The following STX7 variants were observed in gnomAD, a reference collection of about 807,000 sequenced individuals.
The protein encoded by STX7 is syntaxin 7.
A neutral mutation model predicts 39.6 loss-of-function variants in STX7; 34 were observed. The ratio of observed to expected loss-of-function variants is 0.86; its 90% confidence interval spans 0.65 to 1.14. The LOEUF (loss-of-function observed/expected upper bound fraction) is 1.14. STX7 is among the 50% of genes most tolerant of loss of function. The pLI is 0.00. For synonymous variants in STX7, 119 were observed against 99.1 expected, an observed-to-expected ratio of 1.20 and a Z score of -1.19; for missense variants, 284 against 310.4, an observed-to-expected ratio of 0.92 and a Z score of 0.64.
chr6:132,494,504 CA>C (rs1176281549), intron 2 of STX7, among the ~76,000 whole-genome samples: 1 of 152,110 alleles, frequency 6.6e-6, no homozygotes, highest in Non-Finnish European at 1.5e-5. Flanking sequence ...CATTGCTAAA[CA>C]AGTGAGCTTT....
At chr6:132,490,536 C>A (rs1016514805) in intron 2 of STX7, among the ~76,000 whole-genome samples, 16 of 152,084 alleles carry the variant, frequency 1.1e-4, no homozygotes, top group Non-Finnish European at 2.4e-4. Context: ...GAAATTAACA[C>A]AAAATGTGTA....
chr6:132,490,739 C>T (rs1004871685), intron 2 of STX7, among the ~76,000 whole-genome samples: 10 of 151,944 alleles, frequency 6.6e-5, no homozygotes, highest in East Asian at 3.9e-4. Context: ...TGAGAAGCAC[C>T]GGGGACTCTG....
At chr6:132,466,327 C>T (rs1774563057) in intron 8 of STX7, among the ~76,000 whole-genome samples, 2 of 152,168 alleles carry the variant, frequency 1.3e-5, no homozygotes, top group African/African-American at 4.8e-5. Flanking sequence ...GGATTTCCTC[C>T]ATATCACTGG....
At position 132,448,206 on chromosome 6, in the gene STX7, G is replaced by C. The variant is rs1343135815; in HGVS notation, c.*12552C>G. 6.6e-6 allele frequency: 1 copy of C among 152,092 alleles called. No individual in the cohort carries two copies. Among genetic ancestry groups the C allele is most frequent in the Non-Finnish European group, 1.5e-5 (1 of 68,008 alleles). 9.4% of individuals were successfully genotyped at this position (152,092 alleles called of 1,614,324 possible). ...TCCTGAGTTATGTAAAATGTTGCTA[G>C]TATTTTAATTACGCTCTTTTTTACT... On this transcript the variant is annotated 3_prime_UTR_variant, in exon 10 of 10. Transcript: ENST00000367941.
At chr6:132,507,583 T>C (rs2114484641) in intron 1 of STX7, among the ~76,000 whole-genome samples, 1 of 152,356 alleles carries the variant, frequency 6.6e-6, no homozygotes, top group East Asian at 1.9e-4. Context: ...CGAGACTAGC[T>C]TCTTTCTCTT....
intron 2 of STX7, among the ~76,000 whole-genome samples, chr6:132,490,892 G>A (rs1775263281): frequency 6.6e-6 from 1 of 152,056 alleles, no homozygotes; most frequent in Non-Finnish European, 1.5e-5. Context: ...ATGACATCAG[G>A]GATGGAGCGG....
rs1774051553 is a variant in STX7 at position 132,447,868 on chromosome 6, C to T, written c.*12890G>A. On this transcript the variant is annotated 3_prime_UTR_variant, in exon 10 of 10. Coordinates refer to ENST00000367941, the MANE Select transcript of STX7 (RefSeq NM_003569.3). ...GATAGGCAATTTATATTTATTGTAACCATTTATTATATACTATGCCATTTC... is the reference window on the plus strand; with the variant it reads ...GATAGGCAATTTATATTTATTGTAATCATTTATTATATACTATGCCATTTC... 1 of 151,792 alleles carries T rather than the reference C, an allele frequency of 6.6e-6. No homozygotes were observed. The highest frequency in any genetic ancestry group is 2.4e-5 in the African/African-American group (1 of 41,328). The allele number at this position is 151,792 out of a possible 1,614,324, so 9.4% of individuals were successfully genotyped here.
At chr6:132,501,284 C>A (rs1353503268) in intron 2 of STX7, among the ~76,000 whole-genome samples, 1 of 152,034 alleles carries the variant, frequency 6.6e-6, no homozygotes, top group Non-Finnish European at 1.5e-5. Flanking sequence ...GAACTCCTGA[C>A]CTCCCGTGAT....
chr6:132,489,348 A>T lies in STX7; in HGVS notation c.86-13686T>A, dbSNP rs527333580. ...AGGATCCAGGTTCGTTATAGGGTAC[A>T]ATGTGTAGAGAAAAATGTATCATTA... On this transcript the variant is annotated intron_variant, in intron 2 of 9. Coordinates refer to ENST00000367941, the MANE Select transcript of STX7 (RefSeq NM_003569.3). Among the ~76,000 whole-genome samples, 103 of 152,304 alleles carry T rather than the reference A, an allele frequency of 6.8e-4. 1 individual carries two copies. Among genetic ancestry groups the T allele is most frequent in the African/African-American group, 2.5e-3 (102 of 41,570 alleles).
At chr6:132,509,747 G>C (rs1338060947) in intron 1 of STX7, among the ~76,000 whole-genome samples, 1 of 152,074 alleles carries the variant, frequency 6.6e-6, no homozygotes, top group Non-Finnish European at 1.5e-5. Context: ...CAAAGGAAAG[G>C]AACCAAATGG....
chr6:132,481,066 T>A (rs1775003751), intron 2 of STX7, among the ~76,000 whole-genome samples: 1 of 152,142 alleles, frequency 6.6e-6, no homozygotes, highest in Non-Finnish European at 1.5e-5. Flanking sequence ...CTACAGGAAC[T>A]GAATAGACCT....
intron 2 of STX7, among the ~76,000 whole-genome samples, chr6:132,481,117 T>C (rs980376673): frequency 6.6e-6 from 1 of 152,192 alleles, no homozygotes; most frequent in East Asian, 1.9e-4. Flanking sequence ...GGAGTTCTCG[T>C]TGCATGAGGG....
intron 2 of STX7, among the ~76,000 whole-genome samples, chr6:132,478,166 A>G (rs925047610): frequency 6.6e-6 from 1 of 152,112 alleles, no homozygotes; most frequent in Admixed American, 6.6e-5. Flanking sequence ...CGTTCTGTAC[A>G]TGTATCCCAG....
intron 2 of STX7, among the ~76,000 whole-genome samples, chr6:132,493,145 G>A (rs940165069): frequency 2.3e-4 from 35 of 152,180 alleles, no homozygotes; most frequent in Admixed American, 7.9e-4. Flanking sequence ...TCATTAATAC[G>A]TAACTTCAAA....
At chr6:132,495,016 G>C (rs772695021) in intron 2 of STX7, among the ~76,000 whole-genome samples, 5 of 152,116 alleles carry the variant, frequency 3.3e-5, no homozygotes, top group Admixed American at 1.3e-4. Flanking sequence ...TTTACACTTA[G>C]ATTAAACAGA....
chr6:132,482,503 A>G (rs1364913990), intron 2 of STX7, among the ~76,000 whole-genome samples: 3 of 152,222 alleles, frequency 2.0e-5, no homozygotes, highest in Admixed American at 6.5e-5. Flanking sequence ...AACTATAGCT[A>G]TTTAGTACAA....
Position 132,503,442 on chromosome 6 carries a change from TCAC to T in STX7, c.85+1_85+3del. On this transcript the variant is annotated splice_donor_variant and splice_donor_region_variant and intron_variant, in intron 2 of 9. Transcript: ENST00000367941. LOFTEE classifies it high-confidence loss of function. Reference sequence around the variant, plus strand: ...TAGTGAAGTCCATTTAAAACTCAACTCACAACACTGTGTGATCTTCTGGATGTT... The same window carrying T: ...TAGTGAAGTCCATTTAAAACTCAACTAACACTGTGTGATCTTCTGGATGTT... 1 of 1,613,410 alleles carries T rather than the reference TCAC, an allele frequency of 6.2e-7. No homozygotes were observed. Among genetic ancestry groups the T allele is most frequent in the Non-Finnish European group, 8.5e-7 (1 of 1,179,458 alleles).
intron 2 of STX7, among the ~76,000 whole-genome samples, chr6:132,489,812 T>A (rs1462044129): frequency 6.6e-6 from 1 of 152,200 alleles, no homozygotes; most frequent in Admixed American, 6.5e-5. Flanking sequence ...ATTGGTTCTC[T>A]TCCCGGATAC....
chr6:132,448,797 C>G lies in STX7; in HGVS notation c.*11961G>C, dbSNP rs928917521. 7.2e-6 allele frequency: 1 copy of G among 139,640 alleles called. No homozygotes were observed. Among genetic ancestry groups the G allele is most frequent in the Admixed American group, 7.7e-5 (1 of 13,068 alleles). 8.7% of individuals were successfully genotyped at this position (139,640 alleles called of 1,614,324 possible). ...AGGTTGCAGTGAGCAGAAATCACACCACTGCACTCCATCATGGGTGACAGA... is the reference window on the plus strand; with the variant it reads ...AGGTTGCAGTGAGCAGAAATCACACGACTGCACTCCATCATGGGTGACAGA... On this transcript the variant is annotated 3_prime_UTR_variant, in exon 10 of 10. Transcript: ENST00000367941.
Sources: allele counts gnomAD v4.1 joint callset (sites outside exome capture counted in the v4.1 genomes callset), GRCh38; gene constraint gnomAD v4.1.1; transcripts MANE v1.5; gene names NCBI Gene and HGNC (gene_info 2026-07-23, HGNC 2026-07-21).